Variants in LRRK2 observed in about 807,000 individuals in gnomAD.
LRRK2 encodes the protein leucine rich repeat kinase 2.
A neutral mutation model predicts 302.6 loss-of-function variants in LRRK2; 203 were observed. The observed-to-expected ratio is 0.67, with a 90% CI of 0.60 to 0.75. LRRK2 has a LOEUF of 0.75. LRRK2 is among the 30% of genes least tolerant of loss of function. The pLI, the probability that LRRK2 is intolerant of heterozygous loss-of-function variation, is 0.00. For synonymous variants in LRRK2, 1,066 were observed against 1,031.9 expected, an observed-to-expected ratio of 1.03 and a Z score of -0.63; for missense variants, 2,830 against 2,951.0, an observed-to-expected ratio of 0.96 and a Z score of 0.95.
chr12:40,234,146 G>A (rs1227181566), intron 3 of LRRK2, among the ~76,000 whole-genome samples: 2 of 152,140 alleles, frequency 1.3e-5, no homozygotes, highest in Non-Finnish European at 2.9e-5. Context: ...GCAGAGAATC[G>A]AAGACTGGCT....
chr12:40,360,470 C>T (rs1250512537), intron 47 of LRRK2, among the ~76,000 whole-genome samples: 2 of 152,022 alleles, frequency 1.3e-5, no homozygotes, highest in Non-Finnish European at 2.9e-5. Context: ...TCTCACTGTT[C>T]TCAGTGCTGG....
intron 16 of LRRK2, among the ~76,000 whole-genome samples, chr12:40,276,212 A>T (rs1350519448): frequency 1.3e-5 from 2 of 152,202 alleles, no homozygotes; most frequent in Non-Finnish European, 2.9e-5. Flanking sequence ...GGATTAATTC[A>T]TCTAGGCATA....
In LRRK2 at chr12:40,247,517, T is replaced by A. The variant is rs187666349; in HGVS notation, c.839-2309T>A. On this transcript the variant is annotated intron_variant, in intron 7 of 50. Coordinates refer to ENST00000298910, the MANE Select transcript of LRRK2 (RefSeq NM_198578.4). The stretch of plus-strand genomic sequence containing the variant: ...ATATATATTTACACATGTATATAAA[T>A]ATACATACAAATGTATATAAATATA... Among the ~76,000 whole-genome samples the A allele has an allele frequency of 2.6e-4, 17 of 66,522 alleles. No homozygotes were observed. In the East Asian group the frequency reaches 0.011, roughly 44 times the overall value. 43.6% of individuals were successfully genotyped at this position (66,522 alleles called of 152,430 possible). A position where few individuals can be genotyped will look rare whatever the true frequency, so the allele number is the denominator to read the frequency against.
chr12:40,304,548 A>T (rs1389690943), intron 27 of LRRK2: 1 of 186,652 alleles, frequency 5.4e-6, no homozygotes, highest in African/African-American at 2.4e-5. Flanking sequence ...GTGTGATGTT[A>T]TCATATAACA....
chr12:40,294,929 G>A lies in LRRK2; in HGVS notation c.2878+15G>A. On this transcript the variant is annotated intron_variant, in intron 22 of 50. Transcript: ENST00000298910. ...TGATTCACTCAGTAAGTATTTGGATGTAATCATAAGTAAATAGATATTTTG... is the reference window on the plus strand; with the variant it reads ...TGATTCACTCAGTAAGTATTTGGATATAATCATAAGTAAATAGATATTTTG... 5.7e-6 allele frequency: 8 copies of A among 1,395,476 alleles called. No individual in the cohort carries two copies. Among genetic ancestry groups the A allele is most frequent in the Non-Finnish European group, 8.1e-6 (8 of 989,326 alleles). The allele number at this position is 1,395,476 out of a possible 1,614,324, so 86.4% of individuals were successfully genotyped here. A position where few individuals can be genotyped will look rare whatever the true frequency, so the allele number is the denominator to read the frequency against.
chr12:40,299,929 T>C (rs541756577), intron 25 of LRRK2, among the ~76,000 whole-genome samples: 49 of 152,254 alleles, frequency 3.2e-4, no homozygotes, highest in Non-Finnish European at 4.9e-4. Flanking sequence ...TAGTCTATAA[T>C]TTAAAAAAAT....
intron 11 of LRRK2, among the ~76,000 whole-genome samples, chr12:40,255,958 T>TTAAG (rs1351532650): frequency 3.9e-5 from 6 of 152,352 alleles, no homozygotes; most frequent in Non-Finnish European, 8.8e-5. Flanking sequence ...TCCTATCTTC[T>TTAAG]TAAGATAGAC....
Position 40,304,035 on chromosome 12 carries a change from A to C in LRRK2, c.3678A>C (p.Leu1226Phe), listed in dbSNP as rs746701556. 16 of 1,613,772 alleles carry C rather than the reference A, an allele frequency of 9.9e-6. No individual in the cohort carries two copies. The highest frequency in any genetic ancestry group is 1.3e-5 in the Non-Finnish European group (15 of 1,179,770). Residue 1226 changes from leucine (L) to phenylalanine (F), a missense_variant, in exon 27 of 51, where the codon TTA becomes TTC. Coordinates refer to ENST00000298910, the MANE Select transcript of LRRK2 (RefSeq NM_198578.4). ...AATCTTTGAACTTAAGGGAACTCTT[A>C]TTTAGCCATAATCAGATCAGCATCT... ...HWKSLNLRELLFSHNQISILD... is the reference protein window; with the variant it reads ...HWKSLNLRELFFSHNQISILD...
In LRRK2 at chr12:40,263,811, G is replaced by A. The variant is rs769475863; in HGVS notation, c.1566G>A (p.Glu522=). The change falls in exon 14 of 51, where the codon GAG becomes GAA. Residue 522 remains glutamate, a synonymous_variant. Transcript: ENST00000298910. ...TAGGCATGCCAGAAGAATCCAGGGA[G>A]GATACAGAATTTCATCATAAGCTAA... is the stretch of plus-strand genomic sequence containing the variant. ...IVPGMPEESR[E]DTEFHHKLNM... 8.1e-6 allele frequency: 13 copies of A among 1,612,418 alleles called. No homozygotes were observed. The highest frequency in any genetic ancestry group is 9.3e-6 in the Non-Finnish European group (11 of 1,178,834).
chr12:40,240,713 A>C, intron 6 of LRRK2, 96 bp downstream of exon 6: 1 of 1,209,102 alleles, frequency 8.3e-7, no homozygotes, highest in Non-Finnish European at 1.2e-6. Flanking sequence ...ATTATTTAGA[A>C]ACTTGTGGAT....
chr12:40,333,038 G>A (rs945245142), intron 39 of LRRK2, among the ~76,000 whole-genome samples: 1 of 151,610 alleles, frequency 6.6e-6, no homozygotes, highest in African/African-American at 2.4e-5. Context: ...GTAGTCATGG[G>A]GCAGATCTAT....
intron 2 of LRRK2, among the ~76,000 whole-genome samples, chr12:40,227,163 T>A (rs1378708776): frequency 2.6e-5 from 4 of 152,156 alleles, no homozygotes; most frequent in African/African-American, 4.8e-5. Context: ...AGAGTTTTTT[T>A]AAAAGTAATT....
intron 48 of LRRK2, among the ~76,000 whole-genome samples, chr12:40,364,511 TCTAA>T (rs1298116660): frequency 7.1e-6 from 1 of 141,762 alleles, no homozygotes; most frequent in Middle Eastern, 3.2e-3. Context: ...AACTTTTGAC[TCTAA>T]CTTTTTTTTT....
Position 40,303,940 on chromosome 12 carries a change from T to C in LRRK2, c.3591-8T>C, listed in dbSNP as rs914513684. 6.2e-7 allele frequency: 1 copy of C among 1,613,346 alleles called. No homozygotes were observed. Among genetic ancestry groups the C allele is most frequent in the South Asian group, 1.1e-5 (1 of 91,074 alleles). On this transcript the variant is annotated splice_polypyrimidine_tract_variant and splice_region_variant and intron_variant, in intron 26 of 50. Transcript: ENST00000298910. ...TTTGGTTTATGTCTTTTCTGTGTAT[T>C]GTTTTAGCTTGCGGTCTTTAGATAT...
chr12:40,359,498 C>CT lies in LRRK2; in HGVS notation c.7028+56dup, dbSNP rs1249422638. The CT allele has an allele frequency of 8.5e-6, 12 of 1,417,394 alleles. No homozygotes were observed. The African/African-American group carries it at 1.4e-4, about 17-fold the overall frequency. 87.8% of individuals were successfully genotyped at this position (1,417,394 alleles called of 1,614,324 possible). On this transcript the variant is annotated intron_variant, in intron 47 of 50. Transcript: ENST00000298910. The stretch of plus-strand genomic sequence containing the variant: ...TTTATCATTATACTTTTGTTTTTTC[C>CT]TTATAATCATTAATAATACTGTTGA...
intron 7 of LRRK2, among the ~76,000 whole-genome samples, chr12:40,248,785 A>C (rs1281017355): frequency 1.3e-5 from 2 of 152,154 alleles, no homozygotes; most frequent in Non-Finnish European, 2.9e-5. Flanking sequence ...AGCTGTTGGC[A>C]GTGGTGTGGG....
intron 14 of LRRK2, among the ~76,000 whole-genome samples, chr12:40,273,528 C>T (rs1258313965): frequency 2.0e-5 from 3 of 152,116 alleles, no homozygotes; most frequent in Admixed American, 2.0e-4. Context: ...GAAATCTGTT[C>T]ACTGAGAGTA....
intron 39 of LRRK2, among the ~76,000 whole-genome samples, chr12:40,333,977 T>G (rs11829088): frequency 0.15 from 23,020 of 152,038 alleles, 1,934 homozygotes; most frequent in African/African-American, 0.21. Flanking sequence ...TCAGATCAGG[T>G]GCTGAGGCCG....
chr12:40,328,272 A>C, intron 38 of LRRK2, 88 bp from the exon 39 acceptor site: 1 of 1,005,724 alleles, frequency 9.9e-7, no homozygotes, highest in Non-Finnish European at 1.5e-6. Flanking sequence ...TCAAATTTAC[A>C]ACAGATATAA....
Sources: allele counts gnomAD v4.1 joint callset (sites outside exome capture counted in the v4.1 genomes callset), GRCh38; gene constraint gnomAD v4.1.1; transcripts MANE v1.5; gene names NCBI Gene and HGNC (gene_info 2026-07-23, HGNC 2026-07-21).